Variants in IL17RB observed in about 807,000 individuals in gnomAD.
IL17RB encodes interleukin-17 receptor B.
IL17RB carries 36 observed loss-of-function variants against 43.9 expected under a neutral mutation model. The observed-to-expected ratio is 0.82, with a 90% CI of 0.63 to 1.08. The LOEUF is 1.08. Ranked by LOEUF, IL17RB falls within the 50% of genes least tolerant of loss-of-function variation. The pLI, the probability that IL17RB is intolerant of heterozygous loss-of-function variation, is 0.00. For missense variants in IL17RB, 613 were observed against 613.6 expected (o/e 1.00, Z 0.01); for synonymous variants, 225 against 225.4 (o/e 1.00, Z 0.02).
chr3:53,848,476 C>T (rs113494937), intron 1 of IL17RB, among the ~76,000 whole-genome samples, 188 bp from the exon 2 acceptor site: 2 of 152,210 alleles, frequency 1.3e-5, no homozygotes, highest in African/African-American at 2.4e-5. Flanking sequence ...ATCCATGGTC[C>T]GTCATAGCCT....
chr3:53,854,837 G>A (rs1699273426), intron 5 of IL17RB, among the ~76,000 whole-genome samples: 1 of 152,172 alleles, frequency 6.6e-6, no homozygotes, highest in African/African-American at 2.4e-5. Context: ...AATGATGGAT[G>A]GTTTTCGAGT....
chr3:53,846,762 A>T (rs2232332), intron 1 of IL17RB, 114 bp downstream of exon 1: 3 of 1,121,610 alleles, frequency 2.7e-6, no homozygotes, highest in South Asian at 1.5e-5. Flanking sequence ...CTGCCGGCTC[A>T]AGGGGCATGC....
In IL17RB at chr3:53,852,002, G is replaced by A; in HGVS notation, c.230G>A (p.Ser77Asn). The A allele has an allele frequency of 6.2e-7, 1 of 1,614,116 alleles. No homozygotes were observed. The highest frequency in any genetic ancestry group is 1.6e-4 in the Middle Eastern group (1 of 6,062). The change falls in exon 4 of 11, where the codon AGC becomes AAC. Residue 77 changes from serine (S) to asparagine (N), a missense_variant. By Grantham distance (46) the Ser-to-Asn change is conservative (BLOSUM62 1). Transcript: ENST00000288167. ...NVSWVLRADA[S>N]IRLLKATKIC... is the part of the protein sequence containing the mutation. The stretch of plus-strand genomic sequence containing the variant: ...GTCCTCTTGCCTATCTCGGCAGCCA[G>A]CATCCGCTTGTTGAAGGCCACCAAG...
rs142718851 is a variant in IL17RB at position 53,852,881 on chromosome 3, C to G, written c.365C>G (p.Ser122Cys). The change falls in exon 5 of 11, where the codon TCC becomes TGC. Residue 122 changes from serine (S) to cysteine (C), a missense_variant. By Grantham distance (112) the Ser-to-Cys change is moderately radical. Transcript: ENST00000288167. The part of the protein sequence containing the change: ...TRPSGGKWTF[S>C]YIGFPVELNT... ...TGCTTTGCCTTTCAGTGGACATTTT[C>G]CTACATCGGCTTCCCTGTAGAGCTG... The G allele has an allele frequency of 1.1e-5, 17 of 1,613,674 alleles. No homozygotes were observed. Among genetic ancestry groups the G allele is most frequent in the African/African-American group, 2.7e-5 (2 of 74,892 alleles).
intron 2 of IL17RB, among the ~76,000 whole-genome samples, chr3:53,849,257 T>C (rs1561303): frequency 1 from 151,808 of 152,348 alleles, 75,635 homozygotes; most frequent in Middle Eastern, 1. Context: ...CATACACAGG[T>C]ACCTGGAGTG....
chr3:53,859,388 G>A (rs1223576047), intron 9 of IL17RB: 2 of 152,398 alleles, frequency 1.3e-5, no homozygotes, highest in African/African-American at 4.8e-5. Flanking sequence ...GGGGTCAAAA[G>A]TTGGAAGGTG....
chr3:53,849,846 A>C (rs1699071003), intron 3 of IL17RB, 51 bp downstream of exon 3: 7 of 1,520,496 alleles, frequency 4.6e-6, no homozygotes, highest in Non-Finnish European at 6.2e-6. Flanking sequence ...CTAAATCAGA[A>C]ATGTGCAGAC....
chr3:53,851,176 C>T (rs2107007782), intron 3 of IL17RB, among the ~76,000 whole-genome samples: 1 of 152,330 alleles, frequency 6.6e-6, no homozygotes, highest in South Asian at 2.1e-4. Context: ...TAATGCCCAT[C>T]CTTTTGGTTT....
chr3:53,864,416 T>C (rs991792982), intron 10 of IL17RB, among the ~76,000 whole-genome samples: 1 of 152,058 alleles, frequency 6.6e-6, no homozygotes, highest in Non-Finnish European at 1.5e-5. Flanking sequence ...GCGCCTGTAG[T>C]CCCAGCTACT....
rs544135808 is a variant in IL17RB at position 53,862,993 on chromosome 3, C to T, written c.947-1753C>T. On this transcript the variant is annotated intron_variant, in intron 10 of 10. Coordinates refer to ENST00000288167, the MANE Select transcript of IL17RB (RefSeq NM_018725.4). ...AGACTAACCCCTTCCTCCTCTTCCT[C>T]GTCAGCCTACTCAACAAGATGATGA... is the stretch of plus-strand genomic sequence containing the variant. Among the ~76,000 whole-genome samples, 10 of 152,264 alleles carry T rather than the reference C, an allele frequency of 6.6e-5. No individual in the cohort carries two copies. In the South Asian group the frequency reaches 1.7e-3, roughly 25 times the overall value.
chr3:53,846,780 C>G, intron 1 of IL17RB, 132 bp downstream of exon 1: 1 of 895,024 alleles, frequency 1.1e-6, no homozygotes, highest in Non-Finnish European at 1.6e-6. Flanking sequence ...TGCCTGCACC[C>G]TCAGGGCAGC....
chr3:53,861,503 C>T (rs928775534), intron 10 of IL17RB: 4 of 152,256 alleles, frequency 2.6e-5, no homozygotes, highest in African/African-American at 9.6e-5. Flanking sequence ...ACCTTTTAAT[C>T]TTGTATTGAA....
chr3:53,858,489 T>A, intron 8 of IL17RB: 1 of 1,387,130 alleles, frequency 7.2e-7, no homozygotes, highest in Non-Finnish European at 9.4e-7. Context: ...TAGTAACGTG[T>A]ACAAAGTTTA....
At chr3:53,856,576 G>A (rs1699339771) in intron 6 of IL17RB, among the ~76,000 whole-genome samples, 1 of 152,254 alleles carries the variant, frequency 6.6e-6, no homozygotes, top group Non-Finnish European at 1.5e-5. Context: ...ACAGCAGTGA[G>A]TAGCAGAACC....
chr3:53,852,009 CTTG>C lies in IL17RB; in HGVS notation c.241_243del (p.Leu81del). ...TGCCTATCTCGGCAGCCAGCATCCG[CTTG>C]TTGAAGGCCACCAAGATTTGTGTGA... On this transcript the variant is annotated inframe_deletion, in exon 4 of 11. Coordinates refer to ENST00000288167, the MANE Select transcript of IL17RB (RefSeq NM_018725.4). 1 of 1,614,128 alleles carries C rather than the reference CTTG, an allele frequency of 6.2e-7. No individual in the cohort carries two copies. Among genetic ancestry groups the C allele is most frequent in the Non-Finnish European group, 8.5e-7 (1 of 1,180,006 alleles).
rs531427510 is a variant in IL17RB at position 53,854,609 on chromosome 3, C to T, written c.482-685C>T. On this transcript the variant is annotated intron_variant, in intron 5 of 10. Coordinates refer to ENST00000288167, the MANE Select transcript of IL17RB (RefSeq NM_018725.4). Reference sequence around the variant, plus strand: ...GGGCCCTTCTTATCCCATCAGGGGTCCATGGCACCCACATGACACCAGGCT... The same window carrying T: ...GGGCCCTTCTTATCCCATCAGGGGTTCATGGCACCCACATGACACCAGGCT... Among the ~76,000 whole-genome samples the T allele has an allele frequency of 2.0e-5, 3 of 152,330 alleles. No homozygotes were observed. In the South Asian group the frequency reaches 6.2e-4, roughly 32 times the overall value.
chr3:53,864,717 A>G (rs2107035823), intron 10 of IL17RB, 29 bp from the exon 11 acceptor site: 1 of 1,515,854 alleles, frequency 6.6e-7, no homozygotes, highest in East Asian at 2.3e-5. Flanking sequence ...TGCTGTTCAC[A>G]GATAACAAAT....
chr3:53,860,258 T>C (rs754861405), intron 10 of IL17RB, 30 bp downstream of exon 10: 2 of 1,536,382 alleles, frequency 1.3e-6, no homozygotes, highest in South Asian at 1.2e-5. Context: ...AAAGACATCC[T>C]AGTAAGGAAA....
In IL17RB at chr3:53,850,955, T is replaced by C. The variant is rs926315495; in HGVS notation, c.227-1044T>C. Reference sequence around the variant, plus strand: ...CCCGATGCATCAAGTGGTACACTTATGTGTGTACTTTTCTGTGTATGTACT... The same window carrying C: ...CCCGATGCATCAAGTGGTACACTTACGTGTGTACTTTTCTGTGTATGTACT... On this transcript the variant is annotated intron_variant, in intron 3 of 10. Coordinates refer to ENST00000288167, the MANE Select transcript of IL17RB (RefSeq NM_018725.4). 3.9e-5 allele frequency among the ~76,000 whole-genome samples: 6 copies of C among 152,350 alleles called. No homozygotes were observed. In the South Asian group the frequency reaches 1.2e-3, roughly 32 times the overall value.
Sources: allele counts gnomAD v4.1 joint callset (sites outside exome capture counted in the v4.1 genomes callset), GRCh38; gene constraint gnomAD v4.1.1; transcripts MANE v1.5; gene names NCBI Gene and HGNC (gene_info 2026-07-23, HGNC 2026-07-21).